The following PDE7B variants were observed in gnomAD, a reference collection of about 807,000 sequenced individuals.
PDE7B encodes the protein 3',5'-cyclic-AMP phosphodiesterase 7B.
PDE7B carries 29 observed loss-of-function variants against 56.2 expected under a neutral mutation model. The observed-to-expected ratio is 0.52, with a 90% CI of 0.38 to 0.70. PDE7B has a LOEUF of 0.70. Ranked by LOEUF, PDE7B falls within the 30% of genes least tolerant of loss-of-function variation. The pLI is 0.00. For synonymous variants in PDE7B, 197 were observed against 196.9 expected (o/e 1.00, Z 0.00); for missense variants, 490 against 565.0 (o/e 0.87, Z 1.35).
intron 1 of PDE7B, among the ~76,000 whole-genome samples, chr6:135,933,993 A>G (rs1308296127): frequency 6.6e-6 from 1 of 152,202 alleles, no homozygotes; most frequent in African/African-American, 2.4e-5. Context: ...CACAAAAAAT[A>G]AAGAACTATT....
At chr6:136,154,445 T>C (rs1290857311) in intron 7 of PDE7B, among the ~76,000 whole-genome samples, 1 of 151,488 alleles carries the variant, frequency 6.6e-6, no homozygotes. Context: ...TTCCTCTCTA[T>C]GGCAATCTAC....
At chr6:135,971,591 A>G (rs1308804124) in intron 2 of PDE7B, among the ~76,000 whole-genome samples, 1 of 152,152 alleles carries the variant, frequency 6.6e-6, no homozygotes, top group Non-Finnish European at 1.5e-5. Context: ...TTTATTTTGA[A>G]CCCAAAAAGT....
intron 1 of PDE7B, among the ~76,000 whole-genome samples, chr6:135,923,035 A>T (rs1774116946): frequency 1.3e-5 from 2 of 152,154 alleles, no homozygotes. Flanking sequence ...GGATCCAACC[A>T]CCTTCTGGAA....
intron 2 of PDE7B, among the ~76,000 whole-genome samples, chr6:135,961,093 C>T (rs1386801079): frequency 6.6e-6 from 1 of 152,110 alleles, no homozygotes; most frequent in African/African-American, 2.4e-5. Context: ...ATCCCCAATA[C>T]CTAACATATT....
chr6:135,939,464 T>G (rs1323796580), intron 1 of PDE7B, among the ~76,000 whole-genome samples: 1 of 152,208 alleles, frequency 6.6e-6, no homozygotes, highest in African/African-American at 2.4e-5. Flanking sequence ...GATAGAAATC[T>G]GCTCTTTCAC....
chr6:136,039,963 G>C (rs1252789737), intron 2 of PDE7B, among the ~76,000 whole-genome samples: 1 of 152,184 alleles, frequency 6.6e-6, no homozygotes, highest in African/African-American at 2.4e-5. Flanking sequence ...TTCAATAGTT[G>C]TTAGCATGTC....
At chr6:135,977,827 G>A (rs1775218104) in intron 2 of PDE7B, among the ~76,000 whole-genome samples, 1 of 151,968 alleles carries the variant, frequency 6.6e-6, no homozygotes, top group South Asian at 2.1e-4. Flanking sequence ...TTAGGTGGGG[G>A]CAAAAGTAAT....
chr6:135,920,011 TA>T (rs1374006508), intron 1 of PDE7B, among the ~76,000 whole-genome samples: 48 of 152,188 alleles, frequency 3.2e-4, no homozygotes, highest in Admixed American at 6.5e-4. Context: ...AAACCAAACT[TA>T]AACCTAGGTC....
intron 2 of PDE7B, among the ~76,000 whole-genome samples, chr6:136,054,942 A>G (rs948594483): frequency 1.3e-5 from 2 of 152,192 alleles, no homozygotes; most frequent in Non-Finnish European, 2.9e-5. Context: ...CACAGGAAAT[A>G]CCTGCCCCCA....
intron 2 of PDE7B, among the ~76,000 whole-genome samples, chr6:136,079,726 CAAAA>C (rs35447604): frequency 1.4e-4 from 13 of 94,426 alleles, no homozygotes; most frequent in Admixed American, 4.6e-4. Flanking sequence ...ATTAGGAAGA[CAAAA>C]AAAAAAAAAA....
chr6:136,179,199 G>A, intron 10 of PDE7B, 58 bp downstream of exon 10: 1 of 1,511,186 alleles, frequency 6.6e-7, no homozygotes, highest in Non-Finnish European at 9.2e-7. Flanking sequence ...AGCTGGGCTG[G>A]GTGTGGTGGC....
chr6:136,163,483 C>T (rs965739191), intron 8 of PDE7B, among the ~76,000 whole-genome samples: 12 of 152,206 alleles, frequency 7.9e-5, no homozygotes, highest in Non-Finnish European at 1.3e-4. Flanking sequence ...CCTAGGCCTC[C>T]AGGCCTGTGA....
chr6:135,894,961 T>C (rs1461650504), intron 1 of PDE7B, among the ~76,000 whole-genome samples: 3 of 152,158 alleles, frequency 2.0e-5, no homozygotes, highest in African/African-American at 7.2e-5. Context: ...AAATATTGGA[T>C]AATTTGATCA....
At chr6:136,183,424 T>C (rs1424145430) in intron 11 of PDE7B, among the ~76,000 whole-genome samples, 1 of 151,456 alleles carries the variant, frequency 6.6e-6, no homozygotes, top group Non-Finnish European at 1.5e-5. Flanking sequence ...AAACCCCGTC[T>C]CTACTAAAAA....
At chr6:135,890,732 G>A (rs1431427386) in intron 1 of PDE7B, among the ~76,000 whole-genome samples, 1 of 152,118 alleles carries the variant, frequency 6.6e-6, no homozygotes, top group Admixed American at 6.5e-5. Context: ...CTAAGTTTAG[G>A]AAAGCAAAAA....
chr6:136,074,566 T>C (rs971785979), intron 2 of PDE7B, among the ~76,000 whole-genome samples: 1 of 152,150 alleles, frequency 6.6e-6, no homozygotes, highest in Non-Finnish European at 1.5e-5. Context: ...CAATTAACCA[T>C]TCCTCCTTCC....
At chr6:135,886,615 A>G (rs978335613) in intron 1 of PDE7B, among the ~76,000 whole-genome samples, 25 of 152,132 alleles carry the variant, frequency 1.6e-4, no homozygotes, top group African/African-American at 5.8e-4. Context: ...GTGAGATTAT[A>G]TGATATTTGC....
At chr6:135,985,991 C>T (rs1448079966) in intron 2 of PDE7B, among the ~76,000 whole-genome samples, 1 of 152,112 alleles carries the variant, frequency 6.6e-6, no homozygotes, top group Admixed American at 6.6e-5. Flanking sequence ...CCCATGGGAG[C>T]CAATTATAAT....
intron 3 of PDE7B, among the ~76,000 whole-genome samples, chr6:136,122,624 T>C (rs1777956107): frequency 6.6e-6 from 1 of 152,240 alleles, no homozygotes. Flanking sequence ...GTACAATCTA[T>C]AATTGTATAT....
Sources: allele counts gnomAD v4.1 joint callset (sites outside exome capture counted in the v4.1 genomes callset), GRCh38; gene constraint gnomAD v4.1.1; transcripts MANE v1.5; gene names NCBI Gene and HGNC (gene_info 2026-07-23, HGNC 2026-07-21).